The following PTPRD variants were observed in gnomAD, a reference collection of about 807,000 sequenced individuals.
PTPRD encodes receptor-type tyrosine-protein phosphatase delta.
A neutral mutation model predicts 214.5 loss-of-function variants in PTPRD; 34 were observed. That is an observed-to-expected ratio of 0.16 (90% CI 0.12 to 0.21). The LOEUF (loss-of-function observed/expected upper bound fraction) is 0.21, where lower values mean the gene tolerates loss of function less well. Among genes scored for constraint, PTPRD ranks in the 10% least tolerant of loss-of-function variants. The pLI, the probability that PTPRD is intolerant of heterozygous loss-of-function variation, is 1.00. For missense variants in PTPRD, 2,545 were observed against 2,398.7 expected, an observed-to-expected ratio of 1.06 and a Z score of -1.27; for synonymous variants, 1,128 against 845.7, an observed-to-expected ratio of 1.33 and a Z score of -5.79.
intron 3 of PTPRD, among the ~76,000 whole-genome samples, chr9:10,239,866 T>A (rs555232871): frequency 6.6e-6 from 1 of 151,912 alleles, no homozygotes; most frequent in South Asian, 2.1e-4. Context: ...AGCCATACAA[T>A]CTCTTTTCCC....
chr9:8,803,464 A>G (rs748296589), intron 11 of PTPRD, among the ~76,000 whole-genome samples: 1 of 152,182 alleles, frequency 6.6e-6, no homozygotes, highest in Non-Finnish European at 1.5e-5. Flanking sequence ...CCTTTTAGCA[A>G]TGATATCTTC....
intron 43 of PTPRD, among the ~76,000 whole-genome samples, chr9:8,332,813 C>T (rs1842785656): frequency 6.6e-6 from 1 of 152,192 alleles, no homozygotes; most frequent in Admixed American, 6.5e-5. Flanking sequence ...AGACCGATCT[C>T]ATTTCTCATT....
intron 2 of PTPRD, among the ~76,000 whole-genome samples, chr9:10,434,133 G>A (rs2098701655): frequency 6.6e-6 from 1 of 151,702 alleles, no homozygotes; most frequent in Non-Finnish European, 1.5e-5. Flanking sequence ...TGCAATGATG[G>A]GAGAATGCAA....
chr9:8,523,748 C>G (rs2097940006), intron 18 of PTPRD, among the ~76,000 whole-genome samples: 1 of 152,088 alleles, frequency 6.6e-6, no homozygotes, highest in African/African-American at 2.4e-5. Flanking sequence ...TTGAAATTTT[C>G]CATGGAAGAA....
intron 5 of PTPRD, among the ~76,000 whole-genome samples, chr9:9,823,290 G>A (rs1052038910): frequency 6.6e-6 from 1 of 152,066 alleles, no homozygotes. Context: ...AGGCAAAGGG[G>A]GAGCAGGCAC....
At chr9:8,763,732 T>G (rs1264537133) in intron 11 of PTPRD, among the ~76,000 whole-genome samples, 1 of 151,472 alleles carries the variant, frequency 6.6e-6, no homozygotes, top group Non-Finnish European at 1.5e-5. Context: ...GAGAAAAGTT[T>G]TTCGTTTTCT....
chr9:9,011,084 T>G (rs1461585958), intron 11 of PTPRD, among the ~76,000 whole-genome samples: 1 of 152,164 alleles, frequency 6.6e-6, no homozygotes, highest in East Asian at 1.9e-4. Context: ...CTGGTTACCT[T>G]AGAGACTGTG....
In PTPRD at chr9:10,338,793, A is replaced by C. The variant is rs73644421; in HGVS notation, c.-545+2170T>G. ...AGCCCATGTTTGGAACAGGAGAAAA[A>C]AAATACATATTTTTCTCTAAGAAAG... On this transcript the variant is annotated intron_variant, in intron 3 of 45. Transcript: ENST00000381196. Among the ~76,000 whole-genome samples the C allele has an allele frequency of 7.6e-4, 116 of 151,838 alleles. 2 individuals carry two copies. In the South Asian group the frequency reaches 0.021, roughly 28 times the overall value.
At chr9:10,283,547 C>G (rs1054774229) in intron 3 of PTPRD, among the ~76,000 whole-genome samples, 1 of 152,092 alleles carries the variant, frequency 6.6e-6, no homozygotes, top group African/African-American at 2.4e-5. Context: ...GTCTATTGGT[C>G]TTGTGCATTT....
rs564165761 is a variant in PTPRD at position 9,101,177 on chromosome 9, A to T, written c.-143+82127T>A. ...ACAATAATGATCAGCAAAACAAAAC[A>T]AAACAAACCCGAAACAAACAAACAA... is the stretch of plus-strand genomic sequence containing the variant. On this transcript the variant is annotated intron_variant, in intron 10 of 45. Transcript: ENST00000381196. Among the ~76,000 whole-genome samples the T allele has an allele frequency of 4.3e-4, 65 of 152,230 alleles. 1 individual carries two copies. Among genetic ancestry groups the T allele is most frequent in the African/African-American group, 1.3e-3 (55 of 41,554 alleles).
At chr9:9,176,578 G>A (rs1311322120) in intron 10 of PTPRD, among the ~76,000 whole-genome samples, 2 of 152,172 alleles carry the variant, frequency 1.3e-5, no homozygotes, top group African/African-American at 2.4e-5. Flanking sequence ...ATGTAATGGT[G>A]TTGGGAGTTG....
intron 11 of PTPRD, among the ~76,000 whole-genome samples, chr9:8,868,728 T>A (rs760995901): frequency 2.0e-5 from 3 of 152,212 alleles, no homozygotes; most frequent in Non-Finnish European, 4.4e-5. Flanking sequence ...TTTTAAGTAG[T>A]AACTACAAAT....
Position 8,813,679 on chromosome 9 carries a change from C to G in PTPRD, c.-103-79733G>C, listed in dbSNP as rs879865013. Reference sequence around the variant, plus strand: ...CGAGCCACCGCGCCGGGCCTTCCTCCTCTCTCCTTTCATGAGCTGTGAGGC... The same window carrying G: ...CGAGCCACCGCGCCGGGCCTTCCTCGTCTCTCCTTTCATGAGCTGTGAGGC... On this transcript the variant is annotated intron_variant, in intron 11 of 45. Transcript: ENST00000381196. Among the ~76,000 whole-genome samples the G allele has an allele frequency of 1.7e-4, 26 of 152,184 alleles. 1 individual carries two copies. Among genetic ancestry groups the G allele is most frequent in the Admixed American group, 1.7e-3 (26 of 15,280 alleles).
In PTPRD at chr9:10,247,821, G is replaced by A. The variant is rs528310373; in HGVS notation, c.-545+93142C>T. ...AAGAAAGAAGACAAATAAATACAAC[G>A]AGGTGGCAATGGGAAGTAACGCAGT... is the stretch of plus-strand genomic sequence containing the variant. On this transcript the variant is annotated intron_variant, in intron 3 of 45. Transcript: ENST00000381196. 2.9e-3 allele frequency among the ~76,000 whole-genome samples: 447 copies of A among 152,226 alleles called. 5 individuals are homozygous for A. The highest frequency in any genetic ancestry group is 2.2e-3 in the Non-Finnish European group (150 of 68,012).
intron 7 of PTPRD, among the ~76,000 whole-genome samples, chr9:9,636,655 T>C (rs2095780080): frequency 6.6e-6 from 1 of 152,218 alleles, no homozygotes; most frequent in Non-Finnish European, 1.5e-5. Flanking sequence ...TCTGAAAGTA[T>C]AGAAGACAGA....
intron 7 of PTPRD, among the ~76,000 whole-genome samples, chr9:9,673,747 G>A (rs2096875403): frequency 1.3e-5 from 2 of 150,876 alleles, no homozygotes; most frequent in Admixed American, 1.3e-4. Flanking sequence ...TGGATACACT[G>A]TAATAAAACT....
At chr9:9,816,186 C>G (rs1465763622) in intron 5 of PTPRD, among the ~76,000 whole-genome samples, 1 of 151,978 alleles carries the variant, frequency 6.6e-6, no homozygotes, top group Non-Finnish European at 1.5e-5. Context: ...GTTTTCTTGG[C>G]TAGTCTGAAA....
chr9:10,080,286 T>C (rs146497429), intron 3 of PTPRD, among the ~76,000 whole-genome samples: 1 of 152,162 alleles, frequency 6.6e-6, no homozygotes, highest in South Asian at 2.1e-4. Context: ...AAACCCAAAA[T>C]AGAAATAGAA....
chr9:10,441,626 A>G (rs940351483), intron 2 of PTPRD, among the ~76,000 whole-genome samples: 30 of 151,334 alleles, frequency 2.0e-4, no homozygotes, highest in African/African-American at 7.0e-4. Flanking sequence ...TACTATACTC[A>G]TCTGTTCATG....
Sources: allele counts gnomAD v4.1 joint callset (sites outside exome capture counted in the v4.1 genomes callset), GRCh38; gene constraint gnomAD v4.1.1; transcripts MANE v1.5; gene names NCBI Gene and HGNC (gene_info 2026-07-23, HGNC 2026-07-21).